The following ATL3 variants were observed in gnomAD, a reference collection of about 807,000 sequenced individuals.
ATL3 encodes atlastin GTPase 3.
Under a neutral mutation model 69.5 loss-of-function variants are expected in ATL3, and 49 were observed. The ratio of observed to expected loss-of-function variants is 0.71; its 90% CI spans 0.56 to 0.89. ATL3 has a LOEUF of 0.89. Among genes scored for constraint, ATL3 ranks in the 40% least tolerant of loss-of-function variants. The pLI is 0.00. For missense variants in ATL3, 606 were observed against 645.7 expected (o/e 0.94, Z 0.67); for synonymous variants, 214 against 224.1 (o/e 0.95, Z 0.40).
rs148441781 is a variant in ATL3, at chr11:63,644,368, G to GA, written c.619-108_619-107insT. 0.14 allele frequency: 75,636 copies of GA among 529,674 alleles called. 5,964 individuals carry two copies. The highest frequency in any genetic ancestry group is 0.18 in the Middle Eastern group (329 of 1,814). 32.8% of individuals were successfully genotyped at this position (529,674 alleles called of 1,614,324 possible). A position where few individuals can be genotyped will look rare whatever the true frequency, so the allele number is the denominator to read the frequency against. On this transcript the variant is annotated intron_variant, in intron 6 of 12. Transcript: ENST00000398868. ...TGCCAGCTTCTACAAAGGGGGTAAA[G>GA]TAGAAGGATTTACCTTTTTTTTTTT...
chr11:63,666,586 T>G (rs888312258), intron 1 of ATL3, among the ~76,000 whole-genome samples: 2 of 145,198 alleles, frequency 1.4e-5, no homozygotes, highest in Non-Finnish European at 3.0e-5. Flanking sequence ...TGGTGGCTCA[T>G]GCATGTAATC....
In ATL3 at chr11:63,636,305, G is replaced by A. The variant is rs753269434; in HGVS notation, c.880C>T (p.Gln294Ter). ...TTTAATACATACGGTATCAGTGCCT[G>A]TAACTGCTCTTTGAATTCACCAGCA... ...DIAGEFKEQL[Q>*]ALIPYVLNPS... Residue 294 changes from glutamine (Q) to a stop codon, truncating the protein, a stop_gained, in exon 9 of 13, where the codon CAG becomes TAG. Coordinates refer to ENST00000398868, the MANE Select transcript of ATL3 (RefSeq NM_015459.5). LOFTEE classifies it high-confidence loss of function. 9.3e-6 allele frequency: 15 copies of A among 1,613,958 alleles called. No individual in the cohort carries two copies. Among genetic ancestry groups the A allele is most frequent in the Non-Finnish European group, 1.3e-5 (15 of 1,180,014 alleles).
rs1472470509 is a variant in ATL3, at chr11:63,643,557, A to AC, written c.712-63dup. The AC allele has an allele frequency of 4.6e-5, 68 of 1,492,996 alleles. No individual in the cohort carries two copies. The East Asian group carries it at 1.5e-3, about 33-fold the overall frequency. 92.5% of individuals were successfully genotyped at this position (1,492,996 alleles called of 1,614,324 possible). The stretch of plus-strand genomic sequence containing the variant: ...CATTTGGTTTTCTTCACTAGGGACA[A>AC]CTAGTATAAGGACAAAGGAAAGAAG... On this transcript the variant is annotated intron_variant, in intron 7 of 12. Transcript: ENST00000398868.
At chr11:63,644,105 A>C in intron 7 of ATL3, 64 bp downstream of exon 7, 1 of 1,132,118 alleles carries the variant, frequency 8.8e-7, no homozygotes, top group South Asian at 1.3e-5. Context: ...ACAATAGCCA[A>C]AAGCAAATGA....
chr11:63,630,990 C>G, intron 12 of ATL3, 50 bp downstream of exon 12: 1 of 1,518,330 alleles, frequency 6.6e-7, no homozygotes, highest in Non-Finnish European at 8.8e-7. Context: ...AACAGAAGCA[C>G]AAATATCTGC....
intron 3 of ATL3, among the ~76,000 whole-genome samples, chr11:63,655,440 C>G (rs1319512039): frequency 6.6e-6 from 1 of 150,492 alleles, no homozygotes; most frequent in African/African-American, 2.4e-5. Context: ...CGTGAGCCAC[C>G]GCATCTGGCC....
intron 1 of ATL3, among the ~76,000 whole-genome samples, chr11:63,660,899 A>G (rs1940399658): frequency 6.6e-6 from 1 of 151,930 alleles, no homozygotes; most frequent in South Asian, 2.1e-4. Flanking sequence ...CTTTGATGTA[A>G]ATAATACTGC....
In ATL3 at chr11:63,658,876, C is replaced by T. The variant is rs773076283; in HGVS notation, c.290G>A (p.Gly97Asp). The T allele has an allele frequency of 3.1e-6, 5 of 1,607,138 alleles. No individual in the cohort carries two copies. The South Asian group carries it at 5.6e-5, about 18-fold the overall frequency. The change falls in exon 3 of 13, where the codon GGT (glycine) becomes GAT (aspartate). Residue 97 changes from glycine (G) to aspartate (D), a missense_variant. Gly to Asp is a moderately conservative substitution (Grantham distance 94). Transcript: ENST00000398868. ...TCCTGTTAACGGTTCTTCTGGGTCA[C>T]CCAACCAATTTGAATGGCCACTTTC... ...QKESGHSNWLGDPEEPLTGFS... is the reference protein window; with the variant it reads ...QKESGHSNWLDDPEEPLTGFS...
At chr11:63,630,513 T>C (rs1939276284) in intron 12 of ATL3, among the ~76,000 whole-genome samples, 1 of 151,460 alleles carries the variant, frequency 6.6e-6, no homozygotes, top group South Asian at 2.1e-4. Flanking sequence ...AGGGCTATTT[T>C]TGGGCTGGGC....
At chr11:63,634,651 C>A (rs1939456314) in intron 10 of ATL3, among the ~76,000 whole-genome samples, 1 of 152,114 alleles carries the variant, frequency 6.6e-6, no homozygotes, top group African/African-American at 2.4e-5. Flanking sequence ...ATGTTTTAAC[C>A]AAATGACATT....
At chr11:63,648,978 G>A (rs975241899) in intron 5 of ATL3, among the ~76,000 whole-genome samples, 7 of 151,926 alleles carry the variant, frequency 4.6e-5, no homozygotes, top group South Asian at 2.1e-4. Flanking sequence ...AAAATTAGCC[G>A]GGTGTGGTGG....
At chr11:63,643,520 C>T (rs1043187982) in intron 7 of ATL3, 25 bp from the exon 8 acceptor site, 1 of 1,593,822 alleles carries the variant, frequency 6.3e-7, no homozygotes. Flanking sequence ...CAAGAATTTA[C>T]CAACCAAAAG....
At position 63,641,468 on chromosome 11, in the gene ATL3, C is replaced by T. The variant is rs1939698657; in HGVS notation, c.850+1889G>A. On this transcript the variant is annotated intron_variant, in intron 8 of 12. Transcript: ENST00000398868. ...ACTGGATTAAGGTGGGCCCTAAATC[C>T]AAAGACTGGTGTGCTCACAAGAAAA... Among the ~76,000 whole-genome samples the T allele has an allele frequency of 2.0e-5, 3 of 152,206 alleles. No individual in the cohort carries two copies. The South Asian group carries it at 6.2e-4, about 32-fold the overall frequency.
Position 63,652,529 on chromosome 11 carries a change from G to T in ATL3, c.452C>A (p.Ser151Ter). Residue 151 changes from serine to a stop codon, truncating the protein, a stop_gained, in exon 4 of 13, where the codon TCA becomes TAA. Transcript: ENST00000398868. LOFTEE classifies it high-confidence loss of function. ...MDTQGAFDSQ[S>*]TVKDCATIFA... is the part of the protein sequence containing the mutation. ...GATGGTAGCACAGTCTTTCACAGTT[G>T]ACTGGCTGTCAAATGCCCCCTGGGT... 1.2e-6 allele frequency: 2 copies of T among 1,612,004 alleles called. No homozygotes were observed. The highest frequency in any genetic ancestry group is 1.1e-5 in the South Asian group (1 of 90,744).
upstream of ATL3, chr11:63,671,746 G>A: frequency 1.6e-6 from 2 of 1,216,498 alleles, no homozygotes; most frequent in Non-Finnish European, 2.1e-6. Context: ...GGGGCTTGGC[G>A]TGGTTCTCCG....
chr11:63,667,871 A>G (rs992938631), intron 1 of ATL3, among the ~76,000 whole-genome samples: 5 of 151,782 alleles, frequency 3.3e-5, no homozygotes, highest in African/African-American at 4.8e-5. Flanking sequence ...TATCCTACGC[A>G]CTACAGGCTA....
intron 1 of ATL3, among the ~76,000 whole-genome samples, chr11:63,665,424 G>C (rs1207427650): frequency 1.3e-5 from 2 of 151,874 alleles, no homozygotes; most frequent in Non-Finnish European, 2.9e-5. Flanking sequence ...AGACTACTGA[G>C]GACAGCTATG....
chr11:63,658,398 T>C (rs1293654661), intron 3 of ATL3, among the ~76,000 whole-genome samples: 2 of 152,162 alleles, frequency 1.3e-5, no homozygotes, highest in Non-Finnish European at 2.9e-5. Context: ...TTTAACTGAG[T>C]CTAAAAATGC....
chr11:63,632,596 TTCCA>T, intron 11 of ATL3: 1 of 860,126 alleles, frequency 1.2e-6, no homozygotes, highest in Admixed American at 1.7e-5. Context: ...ATTCTACAGA[TTCCA>T]GTTACTATGG....
Sources: allele counts gnomAD v4.1 joint callset (sites outside exome capture counted in the v4.1 genomes callset), GRCh38; gene constraint gnomAD v4.1.1; transcripts MANE v1.5; gene names NCBI Gene and HGNC (gene_info 2026-07-23, HGNC 2026-07-21).